SH3RF1: variants seen among roughly 807,000 people sequenced by gnomAD.
The protein encoded by SH3RF1 is SH3 domain containing ring finger 1.
Under a neutral mutation model 74.0 loss-of-function variants are expected in SH3RF1, and 32 were observed. The observed-to-expected ratio is 0.43, with a 90% CI of 0.33 to 0.58. SH3RF1 has a LOEUF of 0.58. SH3RF1 is among the 20% of genes least tolerant of loss of function. The pLI is 0.05. For synonymous variants in SH3RF1, 396 were observed against 439.6 expected (o/e 0.90, Z 1.24); for missense variants, 954 against 1,130.9 (o/e 0.84, Z 2.24).
intron 2 of SH3RF1, among the ~76,000 whole-genome samples, chr4:169,193,577 AAT>A (rs934742900): frequency 1.3e-5 from 2 of 152,144 alleles, no homozygotes; most frequent in African/African-American, 4.8e-5. Context: ...AGGACAAATA[AAT>A]AGACATTTAC....
intron 4 of SH3RF1, 62 bp from the exon 5 acceptor site, chr4:169,136,682 G>A: frequency 1.4e-6 from 2 of 1,439,990 alleles, no homozygotes; most frequent in Non-Finnish European, 1.8e-6. Context: ...ATTCCCTGAG[G>A]TTTATTTCCA....
At chr4:169,195,788 TCA>T (rs2126987130) in intron 2 of SH3RF1, among the ~76,000 whole-genome samples, 1 of 152,324 alleles carries the variant, frequency 6.6e-6, no homozygotes, top group South Asian at 2.1e-4. Context: ...TCTTTTATAC[TCA>T]CAAGTTCTCT....
intron 2 of SH3RF1, among the ~76,000 whole-genome samples, chr4:169,242,761 T>G (rs1730933814): frequency 6.6e-6 from 1 of 152,186 alleles, no homozygotes; most frequent in Non-Finnish European, 1.5e-5. Flanking sequence ...TTGCCATCCA[T>G]CTCCTGCCTG....
intron 2 of SH3RF1, among the ~76,000 whole-genome samples, chr4:169,195,188 A>C (rs1734789679): frequency 6.6e-6 from 1 of 152,210 alleles, no homozygotes; most frequent in Admixed American, 6.5e-5. Context: ...TGTTGGGTAT[A>C]GAACTCCAGG....
intron 2 of SH3RF1, among the ~76,000 whole-genome samples, chr4:169,259,010 G>A (rs1268143214): frequency 2.0e-5 from 3 of 151,930 alleles, no homozygotes; most frequent in Non-Finnish European, 4.4e-5. Context: ...TTATTTTGGG[G>A]TACTTCACAT....
At chr4:169,151,902 C>T (rs1733982607) in intron 4 of SH3RF1, among the ~76,000 whole-genome samples, 1 of 152,174 alleles carries the variant, frequency 6.6e-6, no homozygotes, top group South Asian at 2.1e-4. Flanking sequence ...CCATATTCAG[C>T]ACTTATTTCA....
chr4:169,115,143 GC>G (rs1316765662), intron 10 of SH3RF1, among the ~76,000 whole-genome samples: 2 of 151,648 alleles, frequency 1.3e-5, no homozygotes, highest in Non-Finnish European at 2.9e-5. Flanking sequence ...TTAAAATTCA[GC>G]CCCAAATGAG....
chr4:169,180,433 C>A (rs148518280), intron 2 of SH3RF1, among the ~76,000 whole-genome samples: 1 of 152,334 alleles, frequency 6.6e-6, no homozygotes, highest in Non-Finnish European at 1.5e-5. Context: ...CACACTGCCA[C>A]AACCGGAGGA....
chr4:169,130,695 A>G (rs1733605179), intron 5 of SH3RF1, among the ~76,000 whole-genome samples: 1 of 152,248 alleles, frequency 6.6e-6, no homozygotes, highest in Admixed American at 6.5e-5. Context: ...AGAGCGGGCA[A>G]TTACTTATAA....
intron 11 of SH3RF1, among the ~76,000 whole-genome samples, chr4:169,101,674 CAAAAAAA>C (rs3070770): frequency 1.2e-5 from 1 of 85,768 alleles, no homozygotes; most frequent in Non-Finnish European, 2.6e-5. Context: ...AAAAAAAAGG[CAAAAAAA>C]AAAAAAAAAG....
At chr4:169,167,606 C>G (rs1450173231) in intron 2 of SH3RF1, among the ~76,000 whole-genome samples, 1 of 151,918 alleles carries the variant, frequency 6.6e-6, no homozygotes, top group African/African-American at 2.4e-5. Context: ...ATTACTGACA[C>G]ATGTGAGTAA....
At chr4:169,097,968 C>T (rs1306946822) in intron 11 of SH3RF1, among the ~76,000 whole-genome samples, 1 of 152,184 alleles carries the variant, frequency 6.6e-6, no homozygotes, top group African/African-American at 2.4e-5. Flanking sequence ...CCTAAACTAA[C>T]CAGAAAAAGT....
chr4:169,188,218 G>T (rs557046513), intron 2 of SH3RF1, among the ~76,000 whole-genome samples: 1 of 152,224 alleles, frequency 6.6e-6, no homozygotes, highest in Admixed American at 6.5e-5. Flanking sequence ...AGCACCCCTA[G>T]GAAACTCATA....
chr4:169,129,783 G>A (rs1425685185), intron 6 of SH3RF1, among the ~76,000 whole-genome samples: 1 of 152,196 alleles, frequency 6.6e-6, no homozygotes, highest in Non-Finnish European at 1.5e-5. Flanking sequence ...AAATCAGGTT[G>A]AACTTTAATG....
chr4:169,168,770 T>C (rs556126342), intron 2 of SH3RF1, among the ~76,000 whole-genome samples: 4 of 152,380 alleles, frequency 2.6e-5, no homozygotes, highest in South Asian at 2.1e-4. Context: ...TGATGATCTC[T>C]AGTAATCTAT....
chr4:169,160,831 A>G (rs1186837388), intron 2 of SH3RF1, among the ~76,000 whole-genome samples: 1 of 152,254 alleles, frequency 6.6e-6, no homozygotes, highest in East Asian at 1.9e-4. Context: ...AAAAGCAATA[A>G]AAGAACACAT....
chr4:169,157,197 T>C (rs1271413586), intron 2 of SH3RF1, among the ~76,000 whole-genome samples: 1 of 152,234 alleles, frequency 6.6e-6, no homozygotes, highest in Non-Finnish European at 1.5e-5. Flanking sequence ...TTCCTGATAT[T>C]GCTTTTAATG....
At chr4:169,241,825 C>T (rs1374684199) in intron 2 of SH3RF1, among the ~76,000 whole-genome samples, 1 of 152,142 alleles carries the variant, frequency 6.6e-6, no homozygotes, top group Non-Finnish European at 1.5e-5. Context: ...CTCAGATGCT[C>T]GGTAAAGTCA....
chr4:169,265,346 G>T (rs1731335357), intron 2 of SH3RF1, among the ~76,000 whole-genome samples: 1 of 152,184 alleles, frequency 6.6e-6, no homozygotes, highest in South Asian at 2.1e-4. Context: ...GGTCTCATGT[G>T]ATCTATTTTT....
Sources: allele counts gnomAD v4.1 joint callset (sites outside exome capture counted in the v4.1 genomes callset), GRCh38; gene constraint gnomAD v4.1.1; transcripts MANE v1.5; gene names NCBI Gene and HGNC (gene_info 2026-07-23, HGNC 2026-07-21).